APBA2: variants seen among roughly 807,000 people sequenced by gnomAD.
The protein encoded by APBA2 is amyloid beta precursor protein binding family A member 2.
APBA2 carries 30 observed loss-of-function variants against 75.0 expected under a neutral mutation model. The ratio of observed to expected loss-of-function variants is 0.40; its 90% CI spans 0.30 to 0.54. APBA2 has a LOEUF of 0.54. APBA2 is among the 20% of genes least tolerant of loss of function. APBA2 has a pLI of 0.49. For synonymous variants in APBA2, 444 were observed against 409.6 expected (o/e 1.08, Z -1.01); for missense variants, 801 against 1,016.1 (o/e 0.79, Z 2.88).
intron 5 of APBA2, among the ~76,000 whole-genome samples, chr15:29,075,507 C>T (rs1241234530): frequency 6.6e-6 from 1 of 152,092 alleles, no homozygotes; most frequent in African/African-American, 2.4e-5. Flanking sequence ...AAAAATGTCT[C>T]CAGACATTGC....
chr15:28,891,502 G>A (rs1335687931), intron 1 of APBA2, among the ~76,000 whole-genome samples: 1 of 152,212 alleles, frequency 6.6e-6, no homozygotes, highest in African/African-American at 2.4e-5. Flanking sequence ...GCATCAGAGA[G>A]TCATGGAAAT....
At position 29,105,465 on chromosome 15, in the gene APBA2, C is replaced by T. The variant is rs370031485; in HGVS notation, c.1611C>T (p.Asp537=). Residue 537 remains aspartate, a synonymous_variant, in exon 11 of 15, where the codon GAC becomes GAT. Coordinates refer to ENST00000683413, the MANE Select transcript of APBA2 (RefSeq NM_001353788.2). ...GAGCCAATGGCATCAACCCCGAAGACTTGAGCCAGAAGGAATACAGCGACA... is the reference window on the plus strand; with the variant it reads ...GAGCCAATGGCATCAACCCCGAAGATTTGAGCCAGAAGGAATACAGCGACA... The part of the protein sequence containing the change: ...FLRANGINPE[D]LSQKEYSDII... 114 of 1,613,856 alleles carry T rather than the reference C, an allele frequency of 7.1e-5. No individual in the cohort carries two copies. Among genetic ancestry groups the T allele is most frequent in the Non-Finnish European group, 9.6e-5 (113 of 1,180,050 alleles).
intron 6 of APBA2, among the ~76,000 whole-genome samples, chr15:29,085,914 C>T (rs1003206846): frequency 6.6e-6 from 1 of 152,150 alleles, no homozygotes; most frequent in African/African-American, 2.4e-5. Context: ...GAAGGCGCCT[C>T]CTAAATGGCC....
At chr15:28,887,596 C>A (rs573956128) in intron 1 of APBA2, among the ~76,000 whole-genome samples, 136 of 152,264 alleles carry the variant, frequency 8.9e-4, no homozygotes, top group Non-Finnish European at 2.4e-4. Flanking sequence ...TGTGCTGATT[C>A]CTGGGTGACC....
chr15:29,116,704 C>G (rs537432843), intron 14 of APBA2, among the ~76,000 whole-genome samples: 1 of 152,100 alleles, frequency 6.6e-6, no homozygotes, highest in Non-Finnish European at 1.5e-5. Context: ...GTGCATCCCT[C>G]GCAGTTTCTG....
intron 6 of APBA2, among the ~76,000 whole-genome samples, chr15:29,085,027 C>T (rs916717804): frequency 6.6e-6 from 1 of 152,024 alleles, no homozygotes; most frequent in African/African-American, 2.4e-5. Context: ...TATTAGCAAC[C>T]ATTAATGATC....
At chr15:29,116,501 A>G (rs1014187825) in intron 14 of APBA2, among the ~76,000 whole-genome samples, 8 of 151,490 alleles carry the variant, frequency 5.3e-5, no homozygotes, top group East Asian at 3.9e-4. Flanking sequence ...GGTGGCGGGC[A>G]CCTGTAATCC....
At chr15:29,089,485 C>T (rs955966305) in intron 6 of APBA2, among the ~76,000 whole-genome samples, 1 of 152,326 alleles carries the variant, frequency 6.6e-6, no homozygotes, top group African/African-American at 2.4e-5. Context: ...CAGCCACCTC[C>T]TCCCAGACCC....
intron 9 of APBA2, among the ~76,000 whole-genome samples, chr15:29,099,375 C>T (rs971573678): frequency 2.0e-5 from 3 of 152,202 alleles, no homozygotes; most frequent in African/African-American, 7.2e-5. Context: ...TGCAGGCTTC[C>T]AGAGCCCTCC....
intron 8 of APBA2, among the ~76,000 whole-genome samples, chr15:29,096,566 G>A (rs1238250957): frequency 6.6e-6 from 1 of 152,234 alleles, no homozygotes; most frequent in Non-Finnish European, 1.5e-5. Flanking sequence ...GCTGCGGATT[G>A]TCAGCTGCAC....
intron 2 of APBA2, among the ~76,000 whole-genome samples, chr15:28,937,718 A>G (rs1472900984): frequency 6.6e-6 from 1 of 151,000 alleles, no homozygotes; most frequent in African/African-American, 2.4e-5. Flanking sequence ...GTGCAGTGGC[A>G]CCATCTCTGC....
At chr15:29,056,633 C>CT (rs1181589043) in intron 4 of APBA2, among the ~76,000 whole-genome samples, 6 of 105,824 alleles carry the variant, frequency 5.7e-5, no homozygotes, top group African/African-American at 2.5e-4. Context: ...TCCCTCCCTC[C>CT]CTCCTCTCTC....
At position 29,105,561 on chromosome 15, in the gene APBA2, A is replaced by G. The variant is rs2044357263; in HGVS notation, c.1704+3A>G. 2 of 1,613,230 alleles carry G rather than the reference A, an allele frequency of 1.2e-6. No homozygotes were observed. The highest frequency in any genetic ancestry group is 1.7e-6 in the Non-Finnish European group (2 of 1,180,010). On this transcript the variant is annotated splice_donor_region_variant and intron_variant, in intron 11 of 14. Transcript: ENST00000683413. ...CAAACTCGGAGAACTGCAAGGAGGT[A>G]AGCCACACCCACCAGCCTCAGGGAG...
intron 3 of APBA2, among the ~76,000 whole-genome samples, chr15:29,039,323 G>A (rs1371746967): frequency 6.6e-6 from 1 of 152,014 alleles, no homozygotes; most frequent in African/African-American, 2.4e-5. Context: ...TAGAGGAGAG[G>A]CTGTCAGGCC....
intron 1 of APBA2, among the ~76,000 whole-genome samples, chr15:28,915,043 C>A (rs2033603453): frequency 2.3e-5 from 3 of 128,536 alleles, no homozygotes; most frequent in East Asian, 2.5e-4. Context: ...CATACCATGC[C>A]TACCTCACAC....
chr15:29,111,195 T>G, intron 13 of APBA2, among the ~76,000 whole-genome samples: 1 of 148,028 alleles, frequency 6.8e-6, no homozygotes. Context: ...AGTTCCGGAG[T>G]GATGGAGGGG....
chr15:28,948,405 G>A (rs1384790694), intron 2 of APBA2, among the ~76,000 whole-genome samples: 2 of 151,856 alleles, frequency 1.3e-5, no homozygotes, highest in Admixed American at 6.6e-5. Flanking sequence ...TTAAAACTCT[G>A]GGAGCTTGAG....
chr15:29,045,078 T>C (rs1256522492), intron 3 of APBA2, among the ~76,000 whole-genome samples: 2 of 116,504 alleles, frequency 1.7e-5, no homozygotes, highest in African/African-American at 1.5e-4. Context: ...CTTCTCTCTC[T>C]CTCTCTCTCT....
chr15:29,031,990 CA>C (rs1026687641), intron 3 of APBA2, among the ~76,000 whole-genome samples: 2 of 152,212 alleles, frequency 1.3e-5, no homozygotes, highest in South Asian at 2.1e-4. Flanking sequence ...ATTTCATGGC[CA>C]GGGGTGAGAG....
Sources: allele counts gnomAD v4.1 joint callset (sites outside exome capture counted in the v4.1 genomes callset), GRCh38; gene constraint gnomAD v4.1.1; transcripts MANE v1.5; gene names NCBI Gene and HGNC (gene_info 2026-07-23, HGNC 2026-07-21).